Variants in TBC1D8 observed in about 807,000 individuals in gnomAD.
The protein encoded by TBC1D8 is TBC1 domain family member 8.
Under a neutral mutation model 118.8 loss-of-function variants are expected in TBC1D8, and 65 were observed. That is an observed-to-expected ratio of 0.55 (90% CI 0.45 to 0.67). The LOEUF (loss-of-function observed/expected upper bound fraction) is 0.67. Ranked by LOEUF, TBC1D8 falls within the 30% of genes least tolerant of loss-of-function variation. TBC1D8 has a pLI of 0.00. For missense variants in TBC1D8, 1,376 were observed against 1,471.2 expected (o/e 0.94, Z 1.06); for synonymous variants, 566 against 595.8 (o/e 0.95, Z 0.73).
At chr2:101,027,837 G>A (rs2289951) in intron 14 of TBC1D8, among the ~76,000 whole-genome samples, 17,233 of 152,222 alleles carry the variant, frequency 0.11, 1,254 homozygotes, top group East Asian at 0.28. Flanking sequence ...CATTTTACAC[G>A]GGGGAAACAG....
At chr2:101,091,893 C>A (rs1377052226) in intron 1 of TBC1D8, among the ~76,000 whole-genome samples, 1 of 152,198 alleles carries the variant, frequency 6.6e-6, no homozygotes, top group Non-Finnish European at 1.5e-5. Context: ...ACAGTTTAAC[C>A]ACCTCAAGTG....
At chr2:101,136,504 G>A (rs1678860613) in intron 1 of TBC1D8, among the ~76,000 whole-genome samples, 1 of 152,070 alleles carries the variant, frequency 6.6e-6, no homozygotes, top group Admixed American at 6.6e-5. Flanking sequence ...TATTCTAAAG[G>A]ACTGAAAGAG....
intron 2 of TBC1D8, among the ~76,000 whole-genome samples, chr2:101,071,213 G>A (rs990784971): frequency 6.6e-6 from 1 of 151,814 alleles, no homozygotes; most frequent in South Asian, 2.1e-4. Context: ...GTGGTGGTGG[G>A]CGCCTATTAT....
intron 2 of TBC1D8, among the ~76,000 whole-genome samples, chr2:101,077,623 T>G (rs1342745037): frequency 6.6e-6 from 1 of 152,152 alleles, no homozygotes; most frequent in African/African-American, 2.4e-5. Flanking sequence ...ATCAAGGGGA[T>G]GGTGCCAAGC....
intron 17 of TBC1D8, among the ~76,000 whole-genome samples, chr2:101,014,629 C>T (rs190409625): frequency 2.2e-4 from 34 of 152,306 alleles, no homozygotes; most frequent in Middle Eastern, 6.8e-3. Context: ...TCCCCTATGC[C>T]GTTTGGGCCA....
chr2:101,122,069 T>C (rs1678135940), intron 1 of TBC1D8, among the ~76,000 whole-genome samples: 3 of 144,614 alleles, frequency 2.1e-5, no homozygotes, highest in South Asian at 2.2e-4. Flanking sequence ...CCATTTCTTT[T>C]TCTTTTTTTT....
intron 14 of TBC1D8, 70 bp from the exon 15 acceptor site, chr2:101,027,521 G>A (rs1315604459): frequency 7.8e-6 from 11 of 1,418,040 alleles, no homozygotes; most frequent in East Asian, 2.3e-5. Flanking sequence ...GGCAAGAGGG[G>A]ACTCTTCCTC....
intron 14 of TBC1D8, 118 bp downstream of exon 14, chr2:101,027,929 TA>T: frequency 1.1e-6 from 1 of 880,822 alleles, no homozygotes; most frequent in Non-Finnish European, 1.8e-6. Context: ...GTTGTTAATG[TA>T]ATCCAAAATA....
chr2:101,127,010 C>A (rs1217812484), intron 1 of TBC1D8, among the ~76,000 whole-genome samples: 1 of 152,162 alleles, frequency 6.6e-6, no homozygotes, highest in African/African-American at 2.4e-5. Flanking sequence ...TATTGGAATT[C>A]TGGGCTAGAG....
Position 101,029,751 on chromosome 2 carries a change from G to A in TBC1D8, c.1962C>T (p.Phe654=), listed in dbSNP as rs557601560. 85 of 1,613,656 alleles carry A rather than the reference G, an allele frequency of 5.3e-5. No homozygotes were observed. The highest frequency in any genetic ancestry group is 4.3e-4 in the African/African-American group (32 of 75,024). ...GGAGATGACCCTTGATGAGCTCCTC[G>A]AAGACAGACTGGTCAACTTGTGCCC... is the stretch of plus-strand genomic sequence containing the variant. The part of the protein sequence containing the change: ...VIGAQVDQSV[F]EELIKGHLPE... The change falls in exon 12 of 20, where the codon TTC becomes TTT. Residue 654 remains phenylalanine, a synonymous_variant. Coordinates refer to ENST00000409318, the MANE Select transcript of TBC1D8 (RefSeq NM_001330348.2).
At chr2:101,037,820 C>T (rs1681119035) in intron 7 of TBC1D8, 112 bp from the exon 8 acceptor site, 2 of 1,335,840 alleles carry the variant, frequency 1.5e-6, no homozygotes, top group Admixed American at 2.0e-5. Flanking sequence ...TAGCAGACTT[C>T]AATGACTCAG....
At chr2:101,102,638 A>G (rs534367260) in intron 1 of TBC1D8, among the ~76,000 whole-genome samples, 2 of 152,148 alleles carry the variant, frequency 1.3e-5, no homozygotes, top group Non-Finnish European at 2.9e-5. Context: ...AAAAAAGTAA[A>G]GGGATATGGA....
intron 17 of TBC1D8, among the ~76,000 whole-genome samples, chr2:101,017,384 T>G (rs1679733088): frequency 6.6e-6 from 1 of 152,210 alleles, no homozygotes; most frequent in Admixed American, 6.5e-5. Flanking sequence ...TACATGTAAT[T>G]TTATATGCTA....
intron 2 of TBC1D8, among the ~76,000 whole-genome samples, chr2:101,071,285 C>T (rs893063441): frequency 6.6e-6 from 1 of 152,122 alleles, no homozygotes; most frequent in Non-Finnish European, 1.5e-5. Context: ...GCGGAGCTTG[C>T]AGTGAGCCGA....
At position 101,038,627 on chromosome 2, in the gene TBC1D8, G is replaced by C; in HGVS notation, c.1109C>G (p.Thr370Arg). ...AATGATGGGATGCGGCAGCAGGCTC[G>C]TGTCCTCCATCTTCTCGATGCTCAC... ...EVVSIEKMED[T>R]SLLPHPIIVS... Residue 370 changes from threonine (T) to arginine (R), a missense_variant, in exon 7 of 20, where the codon ACG becomes AGG. Thr to Arg is a moderately conservative substitution (Grantham distance 71). Transcript: ENST00000409318. The C allele has an allele frequency of 6.2e-7, 1 of 1,613,934 alleles. No homozygotes were observed. The highest frequency in any genetic ancestry group is 1.1e-5 in the South Asian group (1 of 91,088).
chr2:101,104,132 G>C (rs1426445308), intron 1 of TBC1D8, among the ~76,000 whole-genome samples: 1 of 152,090 alleles, frequency 6.6e-6, no homozygotes, highest in Non-Finnish European at 1.5e-5. Context: ...AACAGTAAAA[G>C]GTATTTTTGT....
intron 1 of TBC1D8, among the ~76,000 whole-genome samples, chr2:101,101,874 A>G (rs967861383): frequency 6.6e-6 from 1 of 152,118 alleles, no homozygotes; most frequent in Admixed American, 6.5e-5. Context: ...AGAGGGGAAC[A>G]ACACACACCA....
At chr2:101,120,339 A>G (rs1678045171) in intron 1 of TBC1D8, among the ~76,000 whole-genome samples, 1 of 152,038 alleles carries the variant, frequency 6.6e-6, no homozygotes, top group African/African-American at 2.4e-5. Flanking sequence ...GGGTTGCTCC[A>G]CTGGTTCTCA....
At chr2:101,018,546 C>T (rs1297529974) in intron 17 of TBC1D8, among the ~76,000 whole-genome samples, 1 of 152,198 alleles carries the variant, frequency 6.6e-6, no homozygotes, top group Non-Finnish European at 1.5e-5. Flanking sequence ...AAGACTGGAG[C>T]AGCTTCAATT....
Sources: allele counts gnomAD v4.1 joint callset (sites outside exome capture counted in the v4.1 genomes callset), GRCh38; gene constraint gnomAD v4.1.1; transcripts MANE v1.5; gene names NCBI Gene and HGNC (gene_info 2026-07-23, HGNC 2026-07-21).